PTPRO: variants seen among roughly 807,000 people sequenced by gnomAD.
PTPRO encodes the protein receptor-type tyrosine-protein phosphatase O.
PTPRO carries 62 observed loss-of-function variants against 145.2 expected under a neutral mutation model. The ratio of observed to expected loss-of-function variants is 0.43; its 90% CI spans 0.35 to 0.53. PTPRO has a LOEUF of 0.53. Ranked by LOEUF, PTPRO falls within the 20% of genes least tolerant of loss-of-function variation. The probability of loss-of-function intolerance (pLI) is 0.01; values close to 1 mark genes in which losing one functional copy is unlikely to be tolerated. For missense variants in PTPRO, 1,345 were observed against 1,482.7 expected (o/e 0.91, Z 1.53); for synonymous variants, 565 against 514.7 (o/e 1.10, Z -1.32).
intron 1 of PTPRO, among the ~76,000 whole-genome samples, chr12:15,483,348 G>A (rs756531879): frequency 6.6e-6 from 1 of 152,046 alleles, no homozygotes; most frequent in Non-Finnish European, 1.5e-5. Context: ...TCCATCAACC[G>A]CTGATCCCCT....
chr12:15,355,369 T>C (rs1213315575), intron 1 of PTPRO, among the ~76,000 whole-genome samples: 2 of 152,244 alleles, frequency 1.3e-5, no homozygotes, highest in South Asian at 4.1e-4. Flanking sequence ...GATTGCCATG[T>C]TCATTTCATG....
intron 19 of PTPRO, among the ~76,000 whole-genome samples, 171 bp from the exon 20 acceptor site, chr12:15,578,682 A>G (rs950971313): frequency 6.6e-6 from 1 of 152,194 alleles, no homozygotes; most frequent in African/African-American, 2.4e-5. Context: ...ATTTCTATCT[A>G]AGATCATTGG....
intron 1 of PTPRO, among the ~76,000 whole-genome samples, chr12:15,470,308 G>T (rs1941510773): frequency 6.6e-6 from 1 of 151,998 alleles, no homozygotes; most frequent in African/African-American, 2.4e-5. Context: ...AATATAATAG[G>T]GTAGCCTTGA....
At chr12:15,419,963 C>G (rs1299863439) in intron 1 of PTPRO, among the ~76,000 whole-genome samples, 1 of 150,984 alleles carries the variant, frequency 6.6e-6, no homozygotes, top group Non-Finnish European at 1.5e-5. Context: ...GTGGCTGACA[C>G]GGTGAAACCC....
chr12:15,441,516 T>A (rs892822430), intron 1 of PTPRO, among the ~76,000 whole-genome samples: 1 of 152,038 alleles, frequency 6.6e-6, no homozygotes, highest in Non-Finnish European at 1.5e-5. Flanking sequence ...AGGGCAGATA[T>A]TGAGAATCAA....
chr12:15,447,732 T>C (rs1056240544), intron 1 of PTPRO, among the ~76,000 whole-genome samples: 1 of 138,758 alleles, frequency 7.2e-6, no homozygotes, highest in Non-Finnish European at 1.6e-5. Flanking sequence ...TTGCCATCGA[T>C]GTGAGTGGGT....
chr12:15,476,586 A>G (rs1028098896), intron 1 of PTPRO, among the ~76,000 whole-genome samples: 6 of 150,632 alleles, frequency 4.0e-5, no homozygotes, highest in Non-Finnish European at 8.9e-5. Flanking sequence ...CCCATTTGTC[A>G]ATTTTGGCTT....
intron 1 of PTPRO, among the ~76,000 whole-genome samples, chr12:15,404,271 T>C (rs564600402): frequency 6.6e-6 from 1 of 151,022 alleles, no homozygotes; most frequent in Admixed American, 6.6e-5. Context: ...ACAAAATCCA[T>C]CTCTCACTAT....
At chr12:15,581,148 G>A (rs1365191809) in intron 22 of PTPRO, among the ~76,000 whole-genome samples, 1 of 152,114 alleles carries the variant, frequency 6.6e-6, no homozygotes, top group African/African-American at 2.4e-5. Flanking sequence ...GTGAATGCAT[G>A]GTGGTGGGTA....
At chr12:15,355,749 A>G (rs911278208) in intron 1 of PTPRO, among the ~76,000 whole-genome samples, 16 of 152,200 alleles carry the variant, frequency 1.1e-4, no homozygotes, top group Non-Finnish European at 1.5e-4. Context: ...AACTAAATTG[A>G]TAGGGTTAAA....
In PTPRO at chr12:15,515,563, C is replaced by T; in HGVS notation, c.1530C>T (p.Tyr510=). Residue 510 remains tyrosine (Y), a synonymous_variant, in exon 8 of 27, where the codon TAC becomes TAT. Coordinates refer to ENST00000281171, the MANE Select transcript of PTPRO (RefSeq NM_030667.3). ...GTGCCCAGTACCAGGTTGTAATATA[C>T]CTAAGGAAAGGCCCTTTGATTGGAC... ...VPGAQYQVVI[Y]LRKGPLIGPP... The T allele has an allele frequency of 6.2e-7, 1 of 1,613,922 alleles. No homozygotes were observed. The highest frequency in any genetic ancestry group is 8.5e-7 in the Non-Finnish European group (1 of 1,179,920).
At chr12:15,398,611 G>A (rs1468015900) in intron 1 of PTPRO, among the ~76,000 whole-genome samples, 1 of 152,044 alleles carries the variant, frequency 6.6e-6, no homozygotes, top group Non-Finnish European at 1.5e-5. Context: ...GCCTAAGTAG[G>A]CATCTGGTAA....
intron 12 of PTPRO, among the ~76,000 whole-genome samples, chr12:15,546,184 C>T (rs1033517849): frequency 2.6e-5 from 4 of 152,162 alleles, no homozygotes; most frequent in Admixed American, 6.6e-5. Context: ...AGGAAGCACA[C>T]CAAATTTCAT....
chr12:15,345,832 A>G (rs929940293), intron 1 of PTPRO, among the ~76,000 whole-genome samples: 7 of 152,186 alleles, frequency 4.6e-5, no homozygotes, highest in South Asian at 4.1e-4. Context: ...GAGAGGCACT[A>G]AAGAACAAAC....
Position 15,560,193 on chromosome 12 carries a change from G to A in PTPRO, c.2628G>A (p.Trp876Ter). The change falls in exon 17 of 27, where the codon TGG becomes TGA. Residue 876 changes from tryptophan to a stop codon, truncating the protein, a stop_gained and splice_region_variant. Transcript: ENST00000281171. LOFTEE classifies it high-confidence loss of function. Reference sequence around the variant, plus strand: ...ATCTGTTGTCTATTAATGCACACAGGCGTAGGAGTATATTTGCTTTCTTAA... The same window carrying A: ...ATCTGTTGTCTATTAATGCACACAGACGTAGGAGTATATTTGCTTTCTTAA... ...LERDGKLPYN[W>*]RRSIFAFLTL... is the part of the protein sequence containing the mutation. 6.3e-7 allele frequency: 1 copy of A among 1,579,426 alleles called. No individual in the cohort carries two copies. Among genetic ancestry groups the A allele is most frequent in the Non-Finnish European group, 8.7e-7 (1 of 1,148,930 alleles).
intron 1 of PTPRO, among the ~76,000 whole-genome samples, chr12:15,344,681 A>G (rs571582067): frequency 5.9e-5 from 9 of 152,330 alleles, no homozygotes; most frequent in Non-Finnish European, 1.3e-4. Context: ...GGCTGTTTTC[A>G]TATGCTGATC....
At position 15,497,376 on chromosome 12, in the gene PTPRO, A is replaced by G. The variant is rs780643607; in HGVS notation, c.481A>G (p.Lys161Glu). 1.9e-6 allele frequency: 3 copies of G among 1,613,580 alleles called. No homozygotes were observed. The highest frequency in any genetic ancestry group is 1.7e-6 in the Non-Finnish European group (2 of 1,179,648). ...TRVNISYWEG[K>E]DFRTMLYKDF... ...AGTGAACATTAGCTACTGGGAAGGTAAAGACTTCCGGACAATGCTATATAA... is the reference window on the plus strand; with the variant it reads ...AGTGAACATTAGCTACTGGGAAGGTGAAGACTTCCGGACAATGCTATATAA... The change falls in exon 3 of 27, where the codon AAA becomes GAA. Residue 161 changes from lysine (K) to glutamate (E), a missense_variant. By Grantham distance (56) the Lys-to-Glu change is moderately conservative. Transcript: ENST00000281171.
At chr12:15,544,000 G>C (rs1455708519) in intron 12 of PTPRO, among the ~76,000 whole-genome samples, 1 of 152,204 alleles carries the variant, frequency 6.6e-6, no homozygotes, top group Non-Finnish European at 1.5e-5. Context: ...GGATCTTAAA[G>C]ACATGGTATG....
At chr12:15,464,723 G>C (rs991541858) in intron 1 of PTPRO, among the ~76,000 whole-genome samples, 1 of 152,000 alleles carries the variant, frequency 6.6e-6, no homozygotes, top group African/African-American at 2.4e-5. Context: ...TTTGTTTGTT[G>C]TAACCTGTGT....
Sources: allele counts gnomAD v4.1 joint callset (sites outside exome capture counted in the v4.1 genomes callset), GRCh38; gene constraint gnomAD v4.1.1; transcripts MANE v1.5; gene names NCBI Gene and HGNC (gene_info 2026-07-23, HGNC 2026-07-21).